KIAA1210: variants seen among roughly 807,000 people sequenced by gnomAD.
KIAA1210 encodes acrosomal protein KIAA1210.
Under a neutral mutation model 78.9 loss-of-function variants are expected in KIAA1210, and 48 were observed. That is an observed-to-expected ratio of 0.61 (90% CI 0.48 to 0.77). The LOEUF is 0.77. KIAA1210 is among the 30% of genes least tolerant of loss of function. The pLI, the probability that KIAA1210 is intolerant of heterozygous loss-of-function variation, is 0.00. For missense variants in KIAA1210, 1,108 were observed against 1,100.0 expected (o/e 1.01, Z -0.10); for synonymous variants, 406 against 404.5 (o/e 1.00, Z -0.04).
intron 1 of KIAA1210, among the ~76,000 whole-genome samples, chrX:119,149,220 A>T (rs1569326283): frequency 9.0e-6 from 1 of 110,657 alleles, no homozygotes; most frequent in Non-Finnish European, 1.9e-5. Context: ...TCTCATTTAC[A>T]TTCTCTCCTA....
At chrX:119,093,816 CT>C (rs770122111) in intron 7 of KIAA1210, 41 bp from the exon 8 acceptor site, 92 of 1,104,656 alleles carry the variant, frequency 8.3e-5, no homozygotes, top group Non-Finnish European at 1.1e-4. Context: ...TACTGAAGTG[CT>C]TTCCAACCAC....
chrX:119,111,299 T>C (rs184197569), intron 3 of KIAA1210, among the ~76,000 whole-genome samples: 1 of 111,947 alleles, frequency 8.9e-6, no homozygotes, highest in East Asian at 2.8e-4. Flanking sequence ...TAAAGACACA[T>C]GCACATGTAT....
intron 2 of KIAA1210, among the ~76,000 whole-genome samples, chrX:119,119,740 G>A (rs1928385226): frequency 9.0e-6 from 1 of 111,016 alleles, no homozygotes; most frequent in Admixed American, 9.6e-5. Context: ...ACTTTGGGAG[G>A]CCGAGGCGGG....
rs1405338880 is a variant in KIAA1210, at chrX:119,080,408, G to A, written c.*921C>T. On this transcript the variant is annotated 3_prime_UTR_variant, in exon 12 of 12. Transcript: ENST00000691062. Reference sequence around the variant, plus strand: ...AAGATGTTTCAAGGGGTGATAGGCTGATTGGAGAACTGGCTGTGCAGAAAT... The same window carrying A: ...AAGATGTTTCAAGGGGTGATAGGCTAATTGGAGAACTGGCTGTGCAGAAAT... 8.9e-6 allele frequency: 1 copy of A among 111,733 alleles called. No homozygotes were observed. Among genetic ancestry groups the A allele is most frequent in the Non-Finnish European group, 1.9e-5 (1 of 53,134 alleles). The allele number at this position is 111,733 out of a possible 1,213,427, so 9.2% of individuals were successfully genotyped here.
intron 2 of KIAA1210, among the ~76,000 whole-genome samples, chrX:119,140,447 T>C (rs1241966250): frequency 9.4e-6 from 1 of 106,475 alleles, no homozygotes; most frequent in Admixed American, 1.0e-4. Context: ...GAGAATTGCT[T>C]GAACCCGGGA....
intron 5 of KIAA1210, among the ~76,000 whole-genome samples, chrX:119,107,136 A>G (rs1927917810): frequency 8.9e-6 from 1 of 112,654 alleles, no homozygotes; most frequent in South Asian, 3.7e-4. Context: ...TTTCCAGGGT[A>G]TCAACTAAGG....
At chrX:119,143,555 ACTG>A (rs1929098870) in intron 2 of KIAA1210, among the ~76,000 whole-genome samples, 1 of 112,214 alleles carries the variant, frequency 8.9e-6, no homozygotes, top group South Asian at 3.8e-4. Context: ...AACAGTTCAG[ACTG>A]CTCTTTTGGA....
rs193258658 is a variant in KIAA1210 at position 119,090,318 on chromosome X, C to T, written c.956-572G>A. ...TCACACTTTGAATTCATACATCATA[C>T]CAGGCTGCAGTGGCGCGATCTCGGC... On this transcript the variant is annotated intron_variant, in intron 8 of 11. Transcript: ENST00000691062. Among the ~76,000 whole-genome samples the T allele has an allele frequency of 4.8e-3, 534 of 110,966 alleles. 1 individual carries two copies. Among genetic ancestry groups the T allele is most frequent in the Middle Eastern group, 0.018 (4 of 219 alleles).
intron 3 of KIAA1210, among the ~76,000 whole-genome samples, chrX:119,114,592 A>C (rs113138244): frequency 6.9e-4 from 78 of 112,675 alleles, no homozygotes; most frequent in African/African-American, 2.4e-3. Context: ...AATCAGGTTC[A>C]GAACCAGTGT....
At chrX:119,121,129 C>A (rs1005589709) in intron 2 of KIAA1210, among the ~76,000 whole-genome samples, 1 of 111,233 alleles carries the variant, frequency 9.0e-6, no homozygotes, top group Non-Finnish European at 1.9e-5. Context: ...GCTTTTGAAA[C>A]CCTAATGGAA....
chrX:119,102,016 G>A (rs1389922658), intron 6 of KIAA1210, among the ~76,000 whole-genome samples: 2 of 112,775 alleles, frequency 1.8e-5, no homozygotes, highest in Non-Finnish European at 3.7e-5. Flanking sequence ...ACATAAGAAA[G>A]TCTTGATAAA....
chrX:119,111,080 T>C (rs924523350), intron 3 of KIAA1210, among the ~76,000 whole-genome samples: 1 of 111,671 alleles, frequency 9.0e-6, no homozygotes, highest in African/African-American at 3.3e-5. Context: ...AGTGTAGCAC[T>C]AGCATAAAGA....
At chrX:119,137,737 A>G (rs1264222851) in intron 2 of KIAA1210, among the ~76,000 whole-genome samples, 1 of 112,257 alleles carries the variant, frequency 8.9e-6, no homozygotes, top group Non-Finnish European at 1.9e-5. Flanking sequence ...TGTGTGACCC[A>G]AGACAATTCT....
At chrX:119,107,146 G>A (rs1927918317) in intron 5 of KIAA1210, among the ~76,000 whole-genome samples, 1 of 112,522 alleles carries the variant, frequency 8.9e-6, no homozygotes, top group Admixed American at 9.4e-5. Context: ...ATCAACTAAG[G>A]GATCAGGCCA....
chrX:119,117,153 A>G (rs1291811573), intron 2 of KIAA1210, among the ~76,000 whole-genome samples: 1 of 112,290 alleles, frequency 8.9e-6, no homozygotes, highest in Non-Finnish European at 1.9e-5. Context: ...TCCAAGTCTA[A>G]GTGGCAGTTG....
chrX:119,109,447 G>T (rs1369368145), intron 3 of KIAA1210, among the ~76,000 whole-genome samples: 1 of 111,891 alleles, frequency 8.9e-6, no homozygotes, highest in Non-Finnish European at 1.9e-5. Context: ...TCCACAAATT[G>T]TTAGAGGTGG....
Position 119,087,739 on chromosome X carries a change from C to A in KIAA1210, c.2963G>T (p.Arg988Met), listed in dbSNP as rs1927203103. 12 of 1,209,955 alleles carry A rather than the reference C, an allele frequency of 9.9e-6. No homozygotes were observed. The highest frequency in any genetic ancestry group is 1.3e-5 in the Non-Finnish European group (12 of 895,178). Residue 988 changes from arginine (R) to methionine (M), a missense_variant, in exon 9 of 12, where the codon AGG (arginine) becomes ATG (methionine). Around this residue, in one of 5 missense-constraint regions of KIAA1210, gnomAD observed 179 missense variants for 174.1 expected, o/e 1.03. Coordinates refer to ENST00000691062, the MANE Select transcript of KIAA1210 (RefSeq NM_001394962.1). ...TGAGGTCATTTCCTGAACTTTAGAC[C>A]TCTTTAAGAACTGGGTAGCATATTG... is the stretch of plus-strand genomic sequence containing the variant. ...PPQYATQFLK[R>M]SKVQEMTSRL...
intron 1 of KIAA1210, among the ~76,000 whole-genome samples, chrX:119,126,824 A>C (rs891544334): frequency 8.9e-6 from 1 of 112,376 alleles, no homozygotes; most frequent in Admixed American, 9.4e-5. Flanking sequence ...TAATCCCAAC[A>C]ATTTGGAAGG....
At position 119,086,616 on chromosome X, in the gene KIAA1210, A is replaced by C. The variant is rs747696223; in HGVS notation, c.4086T>G (p.Val1362=). 8.3e-7 allele frequency: 1 copy of C among 1,210,754 alleles called. No individual in the cohort carries two copies. The highest frequency in any genetic ancestry group is 1.7e-5 in the African/African-American group (1 of 57,624). ...TGGGCCTGCTCTGTTGCTTATCTGC[A>C]ACGTAAGATATTTTGGTGAGGTTCC... ...AAGNLTKISY[V]ADKQQSRPKS... Residue 1362 remains valine (V), a synonymous_variant, in exon 9 of 12, where the codon GTT becomes GTG. Coordinates refer to ENST00000691062, the MANE Select transcript of KIAA1210 (RefSeq NM_001394962.1).
Sources: allele counts gnomAD v4.1 joint callset (sites outside exome capture counted in the v4.1 genomes callset), GRCh38; gene constraint gnomAD v4.1.1; regional missense constraint gnomAD v4.1.1; transcripts MANE v1.5; gene names NCBI Gene and HGNC (gene_info 2026-07-23, HGNC 2026-07-21).